Variants in FGD2 observed in about 807,000 individuals in gnomAD.
The protein encoded by FGD2 is FYVE, RhoGEF and PH domain containing 2.
A neutral mutation model predicts 75.9 loss-of-function variants in FGD2; 52 were observed. That is an observed-to-expected ratio of 0.69 (90% CI 0.55 to 0.86). The LOEUF is 0.86. FGD2 is among the 40% of genes least tolerant of loss of function. The pLI is 0.00. For missense variants in FGD2, 790 were observed against 872.0 expected (o/e 0.91, Z 1.18); for synonymous variants, 347 against 348.6 (o/e 1.00, Z 0.05).
At chr6:37,013,380 C>T in intron 4 of FGD2, 1 of 1,294,502 alleles carries the variant, frequency 7.7e-7, no homozygotes, top group Non-Finnish European at 1.0e-6. Context: ...TGTGCCGGGC[C>T]TTGTGGATGA....
chr6:37,014,684 A>G lies in FGD2; in HGVS notation c.862A>G (p.Asn288Asp), dbSNP rs758634015. Reference sequence around the variant, plus strand: ...GATCTTCTCAGCTGCCCAGCACTCCAATGCAGCCATCACTGAGATGGTAAG... The same window carrying G: ...GATCTTCTCAGCTGCCCAGCACTCCGATGCAGCCATCACTGAGATGGTAAG... ...DMIFSAAQHSNAAITEMERLQ... is the reference protein window; with the variant it reads ...DMIFSAAQHSDAAITEMERLQ... The change falls in exon 7 of 16, where the codon AAT becomes GAT. Residue 288 changes from asparagine to aspartate, a missense_variant. Physicochemically the swap from Asn to Asp is conservative, Grantham distance 23. Transcript: ENST00000274963. 4 of 1,614,012 alleles carry G rather than the reference A, an allele frequency of 2.5e-6. No homozygotes were observed. Among genetic ancestry groups the G allele is most frequent in the Non-Finnish European group, 2.5e-6 (3 of 1,179,982 alleles).
In FGD2 at chr6:37,027,388, C is replaced by A. The variant is rs142515061; in HGVS notation, c.1606-41C>A. 196 of 1,569,798 alleles carry A rather than the reference C, an allele frequency of 1.2e-4. No homozygotes were observed. The African/African-American group carries it at 2.4e-3, about 19-fold the overall frequency. On this transcript the variant is annotated intron_variant, in intron 14 of 15. Transcript: ENST00000274963. Reference sequence around the variant, plus strand: ...CCCCCAGACCAACATCTGGCACTTGCGGCTGCTCTGCTCCCTGACAGTCCC... The same window carrying A: ...CCCCCAGACCAACATCTGGCACTTGAGGCTGCTCTGCTCCCTGACAGTCCC...
chr6:37,020,545 G>T lies in FGD2; in HGVS notation c.1127G>T (p.Arg376Leu). 1 of 1,605,502 alleles carries T rather than the reference G, an allele frequency of 6.2e-7. No homozygotes were observed. The highest frequency in any genetic ancestry group is 8.5e-7 in the Non-Finnish European group (1 of 1,177,142). Residue 376 changes from arginine (R) to leucine (L), a missense_variant, in exon 10 of 16, where the codon CGG becomes CTG. Arg to Leu is a moderately radical substitution (Grantham distance 102). Transcript: ENST00000274963. ...TTGCCTCCCTCCTCTTGGCAGGTGC[G>T]GGAGCTGATGGATGCTGAGTTTCCC... ...TRIDVAGMKV[R>L]ELMDAEFPHS...
At chr6:37,027,605 AGG>A in intron 15 of FGD2, 30 bp downstream of exon 15, 3 of 1,612,628 alleles carry the variant, frequency 1.9e-6, no homozygotes, top group Non-Finnish European at 2.5e-6. Flanking sequence ...GCCCCCCGTC[AGG>A]CCCTGGCCTT....
rs377598547 is a variant in FGD2 at position 37,019,991 on chromosome 6, G to A, written c.1123-550G>A. 1.2e-4 allele frequency among the ~76,000 whole-genome samples: 18 copies of A among 151,850 alleles called. 1 individual carries two copies. Among genetic ancestry groups the A allele is most frequent in the Admixed American group, 9.2e-4 (14 of 15,206 alleles). On this transcript the variant is annotated intron_variant, in intron 9 of 15. Coordinates refer to ENST00000274963, the MANE Select transcript of FGD2 (RefSeq NM_173558.4). ...CCTCAGCCTCCCGAGTAGTTGGGAT[G>A]ACAGGCATGCGCCACCATGTCCAGC...
chr6:37,021,863 G>A (rs1561939579), intron 12 of FGD2: 1 of 498,196 alleles, frequency 2.0e-6, no homozygotes, highest in Admixed American at 3.5e-5. Context: ...CAGCTGCAGG[G>A]GGCAGTAGGG....
intron 3 of FGD2, chr6:37,011,392 T>C (rs1764998371): frequency 1.8e-6 from 1 of 552,778 alleles, no homozygotes; most frequent in Non-Finnish European, 3.2e-6. Context: ...GCCCTAAGGC[T>C]AGAGGGTTAT....
chr6:37,017,758 C>G (rs1765371548), intron 9 of FGD2, among the ~76,000 whole-genome samples: 1 of 151,944 alleles, frequency 6.6e-6, no homozygotes. Flanking sequence ...GAATGCTCTA[C>G]CCTCTAGAGC....
At chr6:37,020,506 T>C (rs2150779985) in intron 9 of FGD2, 35 bp from the exon 10 acceptor site, 1 of 1,576,342 alleles carries the variant, frequency 6.3e-7, no homozygotes, top group Non-Finnish European at 8.6e-7. Flanking sequence ...CGGGCTATGA[T>C]GAGTCTGAAC....
rs1466795252 is a variant in FGD2, at chr6:37,013,765, G to C, written c.684G>C (p.Gln228His). 1.2e-6 allele frequency: 2 copies of C among 1,613,872 alleles called. No homozygotes were observed. The highest frequency in any genetic ancestry group is 4.5e-5 in the East Asian group (2 of 44,888). Reference sequence around the variant, plus strand: ...TCCAGGAGGTTCTCACTCGCATCCAGGTGAGGCTGGGGGAGGGCTGGAGTC... The same window carrying C: ...TCCAGGAGGTTCTCACTCGCATCCACGTGAGGCTGGGGGAGGGCTGGAGTC... ...PLFQEVLTRIQSSEASGSLTL... is the reference protein window; with the variant it reads ...PLFQEVLTRIHSSEASGSLTL... Residue 228 changes from glutamine to histidine, a missense_variant and splice_region_variant, in exon 5 of 16, where the codon CAG (glutamine) becomes CAC (histidine). Physicochemically the swap from Gln to His is conservative, Grantham distance 24. Coordinates refer to ENST00000274963, the MANE Select transcript of FGD2 (RefSeq NM_173558.4).
intron 9 of FGD2, among the ~76,000 whole-genome samples, chr6:37,016,870 C>T (rs1384863374): frequency 6.6e-6 from 1 of 152,064 alleles, no homozygotes; most frequent in Non-Finnish European, 1.5e-5. Flanking sequence ...TTTAATTTTA[C>T]TACTTAAAAA....
chr6:37,007,124 G>C (rs750721342), intron 1 of FGD2, among the ~76,000 whole-genome samples: 7 of 152,200 alleles, frequency 4.6e-5, no homozygotes, highest in Non-Finnish European at 1.0e-4. Context: ...CATCCTACAG[G>C]AACTGTAGAG....
Position 37,008,864 on chromosome 6 carries a change from G to A in FGD2, c.99G>A (p.Arg33=). Reference sequence around the variant, plus strand: ...CAGAAGCAGCACCCAGAGGCCAGAGGCTAGAGGACGTGCATCACCGCCCTG... The same window carrying A: ...CAGAAGCAGCACCCAGAGGCCAGAGACTAGAGGACGTGCATCACCGCCCTG... ...RTPEAAPRGQ[R]LEDVHHRPEC... The change falls in exon 2 of 16, where the codon AGG becomes AGA. Residue 33 remains arginine, a synonymous_variant. Coordinates refer to ENST00000274963, the MANE Select transcript of FGD2 (RefSeq NM_173558.4). The A allele has an allele frequency of 6.2e-7, 1 of 1,610,866 alleles. No homozygotes were observed. The highest frequency in any genetic ancestry group is 8.5e-7 in the Non-Finnish European group (1 of 1,177,682).
At chr6:37,021,839 C>G in intron 12 of FGD2, 1 of 517,508 alleles carries the variant, frequency 1.9e-6, no homozygotes, top group Non-Finnish European at 3.4e-6. Flanking sequence ...AAGTGTTTCA[C>G]GTCTCTGCAG....
rs1216142789 is a variant in FGD2 at position 37,028,887 on chromosome 6, G to T, written c.*724G>T. On this transcript the variant is annotated 3_prime_UTR_variant, in exon 16 of 16. Coordinates refer to ENST00000274963, the MANE Select transcript of FGD2 (RefSeq NM_173558.4). Reference sequence around the variant, plus strand: ...ACCTCCCAAAGTGCTGGGATTACAGGCGTGAGCCACCATACCTGGCGCATG... The same window carrying T: ...ACCTCCCAAAGTGCTGGGATTACAGTCGTGAGCCACCATACCTGGCGCATG... 1.3e-5 allele frequency: 2 copies of T among 151,952 alleles called. No individual in the cohort carries two copies. The highest frequency in any genetic ancestry group is 4.8e-5 in the African/African-American group (2 of 41,336). The allele number at this position is 151,952 out of a possible 1,614,324, so 9.4% of individuals were successfully genotyped here.
intron 4 of FGD2, 65 bp downstream of exon 4, chr6:37,011,919 C>G: frequency 1.3e-6 from 2 of 1,558,438 alleles, no homozygotes; most frequent in Non-Finnish European, 1.7e-6. Context: ...GGTGGGGAGA[C>G]CCCAGGGCGC....
At chr6:37,019,777 A>G (rs1765475622) in intron 9 of FGD2, among the ~76,000 whole-genome samples, 1 of 151,900 alleles carries the variant, frequency 6.6e-6, no homozygotes. Flanking sequence ...CCATTTCCTC[A>G]TCTCCTAAAT....
chr6:37,013,646 C>CTGGTTCACG lies in FGD2; in HGVS notation c.568_569insTTCACGTGG (p.Leu189_Ala190insValHisVal). Reference sequence around the variant, plus strand: ...CCGCATCGGTGACGTGATCCAGAAGCTGGCCCCCTTCCTGAAGATGTACAG... The same window carrying CTGGTTCACG: ...CCGCATCGGTGACGTGATCCAGAAGCTGGTTCACGTGGCCCCCTTCCTGAAGATGTACAG... On this transcript the variant is annotated inframe_insertion, in exon 5 of 16. Coordinates refer to ENST00000274963, the MANE Select transcript of FGD2 (RefSeq NM_173558.4). The CTGGTTCACG allele has an allele frequency of 6.2e-7, 1 of 1,614,104 alleles. No homozygotes were observed. Among genetic ancestry groups the CTGGTTCACG allele is most frequent in the Non-Finnish European group, 8.5e-7 (1 of 1,179,968 alleles).
In FGD2 at chr6:37,014,983, C is replaced by G. The variant is rs766565997; in HGVS notation, c.974C>G (p.Pro325Arg). Residue 325 changes from proline to arginine, a missense_variant, in exon 8 of 16, where the codon CCG (proline) becomes CGG (arginine). Transcript: ENST00000274963. The stretch of plus-strand genomic sequence containing the variant: ...TCTAACACCCTGCTCCGTGAGGGCC[C>G]GGTCCTCAAGATCTCCTTCCGCCGC... Reference protein sequence around the residue: ...DPSNTLLREGPVLKISFRRND... With the variant: ...DPSNTLLREGRVLKISFRRND... 6.2e-7 allele frequency: 1 copy of G among 1,614,106 alleles called. No individual in the cohort carries two copies. The highest frequency in any genetic ancestry group is 1.1e-5 in the South Asian group (1 of 91,086).
Sources: gnomAD v4.1 joint callset for allele counts (sites outside exome capture counted in the v4.1 genomes callset) on GRCh38, gnomAD v4.1.1 for gene constraint, MANE v1.5 for transcripts, NCBI Gene and HGNC (gene_info 2026-07-23, HGNC 2026-07-21) for gene names.